NAA35: variants seen among roughly 807,000 people sequenced by gnomAD.
The protein encoded by NAA35 is MAK10 homolog, amino-acid N-acetyltransferase subunit.
In NAA35, 18 loss-of-function variants were observed where a neutral mutation model predicts 101.7. The ratio of observed to expected loss-of-function variants is 0.18; its 90% CI spans 0.12 to 0.26. The LOEUF (loss-of-function observed/expected upper bound fraction) is 0.26, where lower values mean the gene tolerates loss of function less well. NAA35 is among the 10% of genes least tolerant of loss of function. The probability of loss-of-function intolerance (pLI) is 1.00; values close to 1 mark genes in which losing one functional copy is unlikely to be tolerated. For synonymous variants in NAA35, 267 were observed against 273.1 expected (o/e 0.98, Z 0.22); for missense variants, 601 against 886.8 (o/e 0.68, Z 4.09).
At chr9:85,978,738 G>A (rs1420463784) in intron 11 of NAA35, among the ~76,000 whole-genome samples, 1 of 152,184 alleles carries the variant, frequency 6.6e-6, no homozygotes, top group Non-Finnish European at 1.5e-5. Context: ...AAGGATGACA[G>A]CTGTTTCTCA....
intron 21 of NAA35, among the ~76,000 whole-genome samples, chr9:86,019,432 G>C (rs1832410336): frequency 6.6e-6 from 1 of 152,310 alleles, no homozygotes; most frequent in East Asian, 1.9e-4. Context: ...TTGCACTCCA[G>C]CCTGGGTGAC....
chr9:86,016,342 T>G (rs992924805), intron 17 of NAA35, among the ~76,000 whole-genome samples, 197 bp from the exon 18 acceptor site: 1 of 152,222 alleles, frequency 6.6e-6, no homozygotes, highest in African/African-American at 2.4e-5. Context: ...TCAAGAAATC[T>G]TCTGGAAAGT....
intron 21 of NAA35, among the ~76,000 whole-genome samples, chr9:86,020,061 T>G (rs1289331737): frequency 1.3e-5 from 2 of 152,198 alleles, no homozygotes; most frequent in Non-Finnish European, 2.9e-5. Flanking sequence ...CAGTTTAATA[T>G]GCATAGTATG....
intron 2 of NAA35, among the ~76,000 whole-genome samples, chr9:85,945,675 C>T (rs184488771): frequency 2.6e-3 from 399 of 152,140 alleles, no homozygotes; most frequent in Non-Finnish European, 4.6e-3. Flanking sequence ...CCCGTCACCA[C>T]GCCTGGCTAA....
intron 2 of NAA35, among the ~76,000 whole-genome samples, chr9:85,946,067 A>G (rs558858797): frequency 1.3e-5 from 2 of 151,654 alleles, no homozygotes; most frequent in African/African-American, 2.4e-5. Flanking sequence ...GTTTTGCCTG[A>G]TAGGAAATAT....
intron 15 of NAA35, 127 bp from the exon 16 acceptor site, chr9:86,012,919 C>T: frequency 2.1e-6 from 1 of 472,934 alleles, no homozygotes; most frequent in East Asian, 3.3e-5. Context: ...TAAAAGTATA[C>T]ATAGACCTAA....
intron 14 of NAA35, among the ~76,000 whole-genome samples, chr9:86,007,731 C>T (rs895266429): frequency 5.9e-5 from 9 of 152,090 alleles, no homozygotes; most frequent in Non-Finnish European, 1.3e-4. Context: ...GGCACTGCCC[C>T]GAAAACATGC....
intron 11 of NAA35, among the ~76,000 whole-genome samples, chr9:85,988,745 G>A (rs772274065): frequency 2.2e-4 from 33 of 151,122 alleles, no homozygotes; most frequent in Non-Finnish European, 4.3e-4. Context: ...GCAGTGAGCC[G>A]AGATCACGCC....
chr9:85,996,996 A>C (rs1291001473), intron 12 of NAA35, among the ~76,000 whole-genome samples: 3 of 151,082 alleles, frequency 2.0e-5, no homozygotes, highest in South Asian at 4.2e-4. Context: ...TGTCACCTAC[A>C]TTGGAGTGCA....
At chr9:85,991,427 T>C (rs973661873) in intron 11 of NAA35, among the ~76,000 whole-genome samples, 1 of 152,016 alleles carries the variant, frequency 6.6e-6, no homozygotes, top group African/African-American at 2.4e-5. Flanking sequence ...TTGTGGAAGG[T>C]TTCCCAGGTA....
At chr9:85,994,332 C>T (rs1831065874) in intron 11 of NAA35, among the ~76,000 whole-genome samples, 1 of 152,190 alleles carries the variant, frequency 6.6e-6, no homozygotes, top group African/African-American at 2.4e-5. Context: ...TCCCCACAAA[C>T]CCTCACGGCC....
In NAA35 at chr9:86,010,892, T is replaced by G. The variant is rs535718242; in HGVS notation, c.1290+961T>G. On this transcript the variant is annotated intron_variant, in intron 15 of 22. Transcript: ENST00000361671. ...GCGCCTGGCCTAACCTTAGAATATT[T>G]TTAACATCCTTGTACACTTATCTTT... Among the ~76,000 whole-genome samples the G allele has an allele frequency of 1.3e-5, 2 of 151,668 alleles. 1 individual carries two copies. The highest frequency in any genetic ancestry group is 4.8e-5 in the African/African-American group (2 of 41,376).
chr9:85,984,152 A>G (rs943521270), intron 11 of NAA35, among the ~76,000 whole-genome samples: 4 of 152,070 alleles, frequency 2.6e-5, no homozygotes, highest in Non-Finnish European at 4.4e-5. Context: ...ACATAGCAAG[A>G]CCCCATCTCT....
chr9:85,961,714 A>G (rs899012569), intron 5 of NAA35, among the ~76,000 whole-genome samples: 3 of 152,172 alleles, frequency 2.0e-5, no homozygotes, highest in Non-Finnish European at 4.4e-5. Context: ...TTTCCAGTTT[A>G]TGGATTTTTT....
intron 2 of NAA35, among the ~76,000 whole-genome samples, chr9:85,953,327 G>T (rs1829103246): frequency 6.6e-6 from 1 of 151,324 alleles, no homozygotes; most frequent in Non-Finnish European, 1.5e-5. Flanking sequence ...TCATATCCAG[G>T]ACTCTTATCT....
rs1832508011 is a variant in NAA35 at position 86,020,869 on chromosome 9, GT to G, written c.2038-16del. On this transcript the variant is annotated intron_variant, in intron 21 of 22. Transcript: ENST00000361671. ...TGACTATGAAGTTAATGTTTCAGTAGTTTTATGTTCATGTTTCAGGTTAATA... is the reference window on the plus strand; with the variant it reads ...TGACTATGAAGTTAATGTTTCAGTAGTTTATGTTCATGTTTCAGGTTAATA... 1 of 1,584,932 alleles carries G rather than the reference GT, an allele frequency of 6.3e-7. No homozygotes were observed. The highest frequency in any genetic ancestry group is 1.7e-5 in the Admixed American group (1 of 58,616).
Position 86,020,889 on chromosome 9 carries a change from G to A in NAA35, c.2038G>A (p.Val680Ile), listed in dbSNP as rs1202430388. ...LENIPNPDHE[V>I]NRILKVAKPN... The stretch of plus-strand genomic sequence containing the variant: ...CAGTAGTTTTATGTTCATGTTTCAG[G>A]TTAATAGAATTTTAAAGGTTGCCAA... The change falls in exon 22 of 23, where the codon GTT becomes ATT. Residue 680 changes from valine to isoleucine, a missense_variant and splice_region_variant. This residue lies in a region of NAA35 where 90 missense variants were observed against 108.7 expected (regional missense o/e 0.83). Coordinates refer to ENST00000361671, the MANE Select transcript of NAA35 (RefSeq NM_024635.4). 3 of 1,608,692 alleles carry A rather than the reference G, an allele frequency of 1.9e-6. No homozygotes were observed. The South Asian group carries it at 3.3e-5, about 18-fold the overall frequency.
At chr9:85,945,983 A>C (rs1235969457) in intron 2 of NAA35, among the ~76,000 whole-genome samples, 1 of 152,160 alleles carries the variant, frequency 6.6e-6, no homozygotes, top group African/African-American at 2.4e-5. Context: ...CAGGTGGCAC[A>C]CATTCCTTAT....
intron 6 of NAA35, among the ~76,000 whole-genome samples, chr9:85,962,795 A>G (rs765563183): frequency 1.3e-5 from 2 of 152,298 alleles, no homozygotes; most frequent in East Asian, 3.9e-4. Context: ...TGAAAGAGAC[A>G]GCCCTTGTCC....
Sources: allele counts gnomAD v4.1 joint callset (sites outside exome capture counted in the v4.1 genomes callset), GRCh38; gene constraint gnomAD v4.1.1; regional missense constraint gnomAD v4.1.1; transcripts MANE v1.5; gene names NCBI Gene and HGNC (gene_info 2026-07-23, HGNC 2026-07-21).